Variants in RAPGEF4 observed in about 807,000 individuals in gnomAD.
RAPGEF4 encodes Rap guanine nucleotide exchange factor 4.
A neutral mutation model predicts 147.9 loss-of-function variants in RAPGEF4; 66 were observed. The observed-to-expected ratio is 0.45, with a 90% CI of 0.37 to 0.55. RAPGEF4 has a LOEUF of 0.55. RAPGEF4 is among the 20% of genes least tolerant of loss of function. The pLI, the probability that RAPGEF4 is intolerant of heterozygous loss-of-function variation, is 0.00. For missense variants in RAPGEF4, 1,071 were observed against 1,257.3 expected, an observed-to-expected ratio of 0.85 and a Z score of 2.24; for synonymous variants, 419 against 442.7, an observed-to-expected ratio of 0.95 and a Z score of 0.67.
intron 4 of RAPGEF4, among the ~76,000 whole-genome samples, chr2:172,860,898 G>T (rs930194908): frequency 6.6e-6 from 1 of 151,994 alleles, no homozygotes. Context: ...TTAAAAATTT[G>T]TCAATTATTT....
chr2:172,938,869 A>G (rs1686867078), intron 6 of RAPGEF4, among the ~76,000 whole-genome samples: 1 of 152,158 alleles, frequency 6.6e-6, no homozygotes, highest in Admixed American at 6.5e-5. Flanking sequence ...CATAGAAACC[A>G]CAATTTGTTT....
intron 29 of RAPGEF4, among the ~76,000 whole-genome samples, chr2:173,041,850 C>T (rs967974131): frequency 2.0e-5 from 3 of 152,194 alleles, no homozygotes; most frequent in African/African-American, 7.2e-5. Context: ...CAGTTGTCTG[C>T]TGTCTGGTTC....
chr2:172,890,766 C>A (rs776298314), intron 4 of RAPGEF4, among the ~76,000 whole-genome samples: 5 of 152,190 alleles, frequency 3.3e-5, no homozygotes, highest in African/African-American at 1.2e-4. Context: ...CAAATAATTT[C>A]TATTCTTTCA....
intron 4 of RAPGEF4, among the ~76,000 whole-genome samples, chr2:172,912,894 T>A (rs1200427561): frequency 1.1e-3 from 1 of 880 alleles, no homozygotes; most frequent in South Asian, 0.033. Flanking sequence ...TCCCTCACTC[T>A]TTTTTTTTTT....
intron 6 of RAPGEF4, among the ~76,000 whole-genome samples, chr2:172,941,124 C>T (rs1379056818): frequency 2.0e-5 from 3 of 152,214 alleles, no homozygotes; most frequent in African/African-American, 4.8e-5. Flanking sequence ...GAATTTTCTA[C>T]GTAGACAATC....
At chr2:172,893,469 A>G (rs1378308003) in intron 4 of RAPGEF4, among the ~76,000 whole-genome samples, 3 of 152,250 alleles carry the variant, frequency 2.0e-5, no homozygotes, top group Non-Finnish European at 2.9e-5. Flanking sequence ...TTTGCACTTT[A>G]TAAAGCGCAT....
Position 172,903,087 on chromosome 2 carries a change from G to A in RAPGEF4, c.445-14715G>A, listed in dbSNP as rs370720198. On this transcript the variant is annotated intron_variant, in intron 4 of 30. Transcript: ENST00000397081. ...AGAAGGAATTGAAGTACAAAGTCTC[G>A]GCCAGGTGCGGTGGCTCAAGCCTGT... is the stretch of plus-strand genomic sequence containing the variant. Among the ~76,000 whole-genome samples, 190 of 152,218 alleles carry A rather than the reference G, an allele frequency of 1.2e-3. No individual in the cohort carries two copies. In the South Asian group the frequency reaches 0.018, roughly 14 times the overall value.
intron 3 of RAPGEF4, among the ~76,000 whole-genome samples, chr2:172,798,305 A>T (rs1244661567): frequency 1.3e-5 from 2 of 152,098 alleles, no homozygotes; most frequent in Non-Finnish European, 2.9e-5. Flanking sequence ...AAAAAGAAAA[A>T]ATATATAAAT....
intron 1 of RAPGEF4, among the ~76,000 whole-genome samples, chr2:172,746,862 C>T (rs1195980966): frequency 6.6e-6 from 1 of 152,174 alleles, no homozygotes; most frequent in Non-Finnish European, 1.5e-5. Flanking sequence ...ATCTGCCCAC[C>T]TCGGCCTCCC....
Position 172,861,598 on chromosome 2 carries a change from A to G in RAPGEF4, c.444+47173A>G, listed in dbSNP as rs116745057. On this transcript the variant is annotated intron_variant, in intron 4 of 30. Transcript: ENST00000397081. ...GTTAGGAAAGAATAAACCTTGACCAAACTGCAGGGTTCTATACACTATGTC... is the reference window on the plus strand; with the variant it reads ...GTTAGGAAAGAATAAACCTTGACCAGACTGCAGGGTTCTATACACTATGTC... Among the ~76,000 whole-genome samples the G allele has an allele frequency of 8.1e-3, 1,234 of 152,258 alleles. 15 individuals are homozygous for G. Among genetic ancestry groups the G allele is most frequent in the African/African-American group, 0.028 (1,177 of 41,536 alleles).
intron 8 of RAPGEF4, 28 bp downstream of exon 8, chr2:172,961,256 C>T (rs887304835): frequency 1.3e-6 from 2 of 1,482,258 alleles, no homozygotes; most frequent in Non-Finnish European, 1.9e-6. Flanking sequence ...AAAGGCTGTG[C>T]CCCGCTCATA....
At chr2:172,749,241 T>A (rs1695043999) in intron 1 of RAPGEF4, among the ~76,000 whole-genome samples, 1 of 152,228 alleles carries the variant, frequency 6.6e-6, no homozygotes, top group South Asian at 2.1e-4. Context: ...CAATCCCACA[T>A]TTCCCTTCTG....
In RAPGEF4 at chr2:172,924,132, G is replaced by A. The variant is rs992034795; in HGVS notation, c.537+1832G>A. On this transcript the variant is annotated intron_variant, in intron 6 of 30. Coordinates refer to ENST00000397081, the MANE Select transcript of RAPGEF4 (RefSeq NM_007023.4). ...ATTTGCCAAATAAAGAAGACAGAAA[G>A]GCCTTGTCCTTCCTCATCAACAGAC... is the stretch of plus-strand genomic sequence containing the variant. Among the ~76,000 whole-genome samples, 85 of 152,238 alleles carry A rather than the reference G, an allele frequency of 5.6e-4. 2 individuals are homozygous for A. Among genetic ancestry groups the A allele is most frequent in the African/African-American group, 2.0e-3 (84 of 41,540 alleles).
intron 4 of RAPGEF4, among the ~76,000 whole-genome samples, chr2:172,895,887 A>G (rs771726466): frequency 3.3e-5 from 5 of 152,226 alleles, no homozygotes; most frequent in Non-Finnish European, 7.3e-5. Context: ...TATTACAACA[A>G]TTTAGAAATT....
intron 6 of RAPGEF4, among the ~76,000 whole-genome samples, chr2:172,941,756 AGCTATGTGG>A (rs923555082): frequency 1.3e-5 from 2 of 152,274 alleles, no homozygotes; most frequent in African/African-American, 4.8e-5. Context: ...GCCACTTCTT[AGCTATGTGG>A]GCTTGAGCAA....
chr2:173,005,317 CCA>C (rs1694320380), intron 17 of RAPGEF4, among the ~76,000 whole-genome samples: 1 of 151,982 alleles, frequency 6.6e-6, no homozygotes, highest in African/African-American at 2.4e-5. Flanking sequence ...TTAAACTCTG[CCA>C]TATTCTTGTT....
At chr2:173,034,073 T>G in intron 27 of RAPGEF4, 109 bp downstream of exon 27, 2 of 1,036,458 alleles carry the variant, frequency 1.9e-6, no homozygotes, top group Non-Finnish European at 2.8e-6. Flanking sequence ...TTATATGACT[T>G]TAAGAAGTTT....
chr2:173,000,219 C>T (rs995388723), intron 16 of RAPGEF4, among the ~76,000 whole-genome samples: 5 of 152,170 alleles, frequency 3.3e-5, no homozygotes, highest in African/African-American at 1.2e-4. Flanking sequence ...CTTGGTATTA[C>T]ACTCATCAGT....
chr2:172,809,589 G>A (rs1687830214), intron 3 of RAPGEF4, among the ~76,000 whole-genome samples: 1 of 152,072 alleles, frequency 6.6e-6, no homozygotes, highest in Non-Finnish European at 1.5e-5. Flanking sequence ...GGAGTGCAAT[G>A]GTGGGATCAT....
Sources: allele counts gnomAD v4.1 joint callset (sites outside exome capture counted in the v4.1 genomes callset), GRCh38; gene constraint gnomAD v4.1.1; transcripts MANE v1.5; gene names NCBI Gene and HGNC (gene_info 2026-07-23, HGNC 2026-07-21).